Variants in TNFSF13B observed in about 807,000 individuals in gnomAD.
The protein encoded by TNFSF13B is TNF superfamily member 13b, also known as tumor necrosis factor ligand superfamily member 13B.
TNFSF13B carries 8 observed loss-of-function variants against 29.1 expected under a neutral mutation model. The observed-to-expected ratio is 0.27, with a 90% CI of 0.16 to 0.50. The LOEUF (loss-of-function observed/expected upper bound fraction) is 0.50, where lower values mean the gene tolerates loss of function less well. Among genes scored for constraint, TNFSF13B ranks in the 20% least tolerant of loss-of-function variants. The probability of loss-of-function intolerance (pLI) is 0.98; values close to 1 mark genes in which losing one functional copy is unlikely to be tolerated. For synonymous variants in TNFSF13B, 125 were observed against 130.8 expected (o/e 0.96, Z 0.30); for missense variants, 248 against 334.9 (o/e 0.74, Z 2.03).
chr13:108,281,601 A>G (rs78106682), intron 2 of TNFSF13B, among the ~76,000 whole-genome samples: 5,542 of 152,274 alleles, frequency 0.036, 145 homozygotes, highest in Non-Finnish European at 0.058. Flanking sequence ...AGACAGGAAC[A>G]TGATTTTCCT....
intron 3 of TNFSF13B, among the ~76,000 whole-genome samples, chr13:108,287,583 A>G (rs888555480): frequency 2.0e-5 from 3 of 152,196 alleles, no homozygotes; most frequent in African/African-American, 7.2e-5. Context: ...CATTTTTATT[A>G]TTTAGACAGC....
intron 3 of TNFSF13B, among the ~76,000 whole-genome samples, chr13:108,289,334 C>A (rs534845602): frequency 2.0e-5 from 3 of 152,000 alleles, no homozygotes; most frequent in Non-Finnish European, 2.9e-5. Flanking sequence ...AGTGCTCCAA[C>A]CTTTAGGATG....
At chr13:108,303,099 A>G (rs185090054) in intron 3 of TNFSF13B, among the ~76,000 whole-genome samples, 154 bp from the exon 4 acceptor site, 1 of 152,122 alleles carries the variant, frequency 6.6e-6, no homozygotes, top group Admixed American at 6.6e-5. Flanking sequence ...CAGTAATGTG[A>G]CTTGTATTCC....
In TNFSF13B at chr13:108,270,156, C is replaced by T; in HGVS notation, c.261C>T (p.His87=). 4 of 1,601,976 alleles carry T rather than the reference C, an allele frequency of 2.5e-6. No individual in the cohort carries two copies. The highest frequency in any genetic ancestry group is 3.4e-6 in the Non-Finnish European group (4 of 1,179,738). The stretch of plus-strand genomic sequence containing the variant: ...TCCGGGCAGAGCTGCAGGGCCACCA[C>T]GCGGAGAAGCTGCCAGCAGGAGCAG... ...ASLRAELQGH[H]AEKLPAGAGA... Residue 87 remains histidine (H), a synonymous_variant, in exon 1 of 6, where the codon CAC becomes CAT. Transcript: ENST00000375887.
At chr13:108,292,417 A>AT (rs2139060197) in intron 3 of TNFSF13B, among the ~76,000 whole-genome samples, 1 of 152,198 alleles carries the variant, frequency 6.6e-6, no homozygotes, top group East Asian at 1.9e-4. Context: ...TCCTGTGAAC[A>AT]TTTGCATAAA....
At chr13:108,280,716 C>CTTGATAATGCT (rs1555311974) in intron 2 of TNFSF13B, among the ~76,000 whole-genome samples, 1 of 143,040 alleles carries the variant, frequency 7.0e-6, no homozygotes, top group East Asian at 2.0e-4. Flanking sequence ...CATGATAATG[C>CTTGATAATGCT]TTTTTTTTTT....
At chr13:108,279,533 A>C (rs1427420106) in intron 2 of TNFSF13B, among the ~76,000 whole-genome samples, 1 of 152,174 alleles carries the variant, frequency 6.6e-6, no homozygotes, top group East Asian at 1.9e-4. Context: ...TTTAAGTACA[A>C]CTGGGTTTGG....
intron 2 of TNFSF13B, 92 bp downstream of exon 2, chr13:108,270,516 C>A: frequency 1.7e-6 from 2 of 1,192,334 alleles, no homozygotes; most frequent in Non-Finnish European, 2.4e-6. Context: ...CCTCTATGAA[C>A]CTATTAAATA....
chr13:108,300,665 T>C (rs564556536), intron 3 of TNFSF13B, among the ~76,000 whole-genome samples: 1 of 152,358 alleles, frequency 6.6e-6, no homozygotes, highest in Admixed American at 6.5e-5. Flanking sequence ...TAATTTGTCA[T>C]TGAGGTGATC....
chr13:108,303,243 T>A lies in TNFSF13B; in HGVS notation c.482-10T>A. 2 of 1,584,898 alleles carry A rather than the reference T, an allele frequency of 1.3e-6. No homozygotes were observed. Among genetic ancestry groups the A allele is most frequent in the Non-Finnish European group, 1.7e-6 (2 of 1,161,304 alleles). On this transcript the variant is annotated splice_polypyrimidine_tract_variant and intron_variant, in intron 3 of 5. Transcript: ENST00000375887. ...GTTTCTTTCCTTATAAATGATTCTC[T>A]TCATTGCAGGATCTTACACATTTGT... is the stretch of plus-strand genomic sequence containing the variant.
intron 2 of TNFSF13B, among the ~76,000 whole-genome samples, chr13:108,270,950 T>TACACACACAC (rs138902471): frequency 2.5e-4 from 37 of 150,580 alleles, no homozygotes; most frequent in East Asian, 2.2e-3. Flanking sequence ...AAGGTTATTT[T>TACACACACAC]ACACACACAC....
chr13:108,274,756 A>C (rs1310494000), intron 2 of TNFSF13B, among the ~76,000 whole-genome samples: 1 of 152,230 alleles, frequency 6.6e-6, no homozygotes. Context: ...TAAGACTCAA[A>C]ACCTTAAGTT....
rs115897570 is a variant in TNFSF13B, at chr13:108,289,067, G to C, written c.481+2208G>C. The stretch of plus-strand genomic sequence containing the variant: ...TGCAACTTTTAATAAGCAGCACACT[G>C]TTTCCTAAGAAGTAAAAGAAAGCCA... On this transcript the variant is annotated intron_variant, in intron 3 of 5. Coordinates refer to ENST00000375887, the MANE Select transcript of TNFSF13B (RefSeq NM_006573.5). Among the ~76,000 whole-genome samples the C allele has an allele frequency of 9.5e-3, 1,427 of 149,802 alleles. 15 individuals are homozygous for C. Among genetic ancestry groups the C allele is most frequent in the African/African-American group, 0.033 (1,363 of 41,348 alleles).
chr13:108,274,092 A>G (rs373609111), intron 2 of TNFSF13B, among the ~76,000 whole-genome samples: 2 of 152,252 alleles, frequency 1.3e-5, no homozygotes, highest in South Asian at 2.1e-4. Flanking sequence ...GTAAGAATAC[A>G]CTACATAATA....
rs78858429 is a variant in TNFSF13B, at chr13:108,303,801, T to A, written c.745+197T>A. ...TAATTGAGAAAGATGGAATTATTAC[T>A]AATAGTTTTACCATTTTTATATACA... On this transcript the variant is annotated intron_variant, in intron 5 of 5. Coordinates refer to ENST00000375887, the MANE Select transcript of TNFSF13B (RefSeq NM_006573.5). Among the ~76,000 whole-genome samples, 1,437 of 152,282 alleles carry A rather than the reference T, an allele frequency of 9.4e-3. 22 individuals are homozygous for A. Among genetic ancestry groups the A allele is most frequent in the African/African-American group, 0.033 (1,378 of 41,562 alleles).
intron 2 of TNFSF13B, among the ~76,000 whole-genome samples, chr13:108,272,707 T>C (rs1255274156): frequency 6.6e-6 from 1 of 152,124 alleles, no homozygotes; most frequent in Non-Finnish European, 1.5e-5. Context: ...GATTATTCTA[T>C]TTATATGCTT....
intron 2 of TNFSF13B, among the ~76,000 whole-genome samples, chr13:108,282,947 A>G (rs543476154): frequency 9.2e-5 from 14 of 152,344 alleles, no homozygotes; most frequent in African/African-American, 2.9e-4. Context: ...TGAGAACCAA[A>G]CAATAATCAA....
chr13:108,298,017 C>T (rs1237668941), intron 3 of TNFSF13B, among the ~76,000 whole-genome samples: 2 of 145,976 alleles, frequency 1.4e-5, no homozygotes, highest in Non-Finnish European at 3.0e-5. Flanking sequence ...TTTTAAATGT[C>T]TCTGTAGTTT....
rs1050113532 is a variant in TNFSF13B, at chr13:108,280,543, G to A, written c.425-6260G>A. 6.6e-4 allele frequency among the ~76,000 whole-genome samples: 100 copies of A among 152,256 alleles called. 1 individual carries two copies. Among genetic ancestry groups the A allele is most frequent in the African/African-American group, 2.4e-3 (98 of 41,556 alleles). ...TGAAGCTACTGTTCTTCACTGGCAA[G>A]CTCCTGATATTCAGTGCGTTCCAAG... On this transcript the variant is annotated intron_variant, in intron 2 of 5. Coordinates refer to ENST00000375887, the MANE Select transcript of TNFSF13B (RefSeq NM_006573.5).
Sources: allele counts gnomAD v4.1 joint callset (sites outside exome capture counted in the v4.1 genomes callset), GRCh38; gene constraint gnomAD v4.1.1; transcripts MANE v1.5; gene names NCBI Gene and HGNC (gene_info 2026-07-23, HGNC 2026-07-21).